The following DTL variants were observed in gnomAD, a reference collection of about 807,000 sequenced individuals.
DTL encodes the protein denticleless protein homolog.
A neutral mutation model predicts 87.0 loss-of-function variants in DTL; 46 were observed. That is an observed-to-expected ratio of 0.53 (90% CI 0.42 to 0.68). DTL has a LOEUF of 0.68. Among genes scored for constraint, DTL ranks in the 30% least tolerant of loss-of-function variants. The probability of loss-of-function intolerance (pLI) is 0.00; values close to 1 mark genes in which losing one functional copy is unlikely to be tolerated. For missense variants in DTL, 737 were observed against 869.4 expected, an observed-to-expected ratio of 0.85 and a Z score of 1.91; for synonymous variants, 308 against 311.2, an observed-to-expected ratio of 0.99 and a Z score of 0.11.
At chr1:212,044,803 T>C (rs892801700) in intron 3 of DTL, 45 bp downstream of exon 3, 3 of 1,106,382 alleles carry the variant, frequency 2.7e-6, no homozygotes, top group Non-Finnish European at 4.1e-6. Context: ...TAAAAAACTT[T>C]ACACATCCTC....
In DTL at chr1:212,080,702, A is replaced by G; in HGVS notation, c.1213A>G (p.Thr405Ala). 1 of 1,613,728 alleles carries G rather than the reference A, an allele frequency of 6.2e-7. No homozygotes were observed. The highest frequency in any genetic ancestry group is 8.5e-7 in the Non-Finnish European group (1 of 1,179,676). ...GAAACCAGGAGGTGATAAACTTTCC[A>G]CGGTGGGTTGGGCCTCTCAGAAGAA... The part of the protein sequence containing the change: ...EEKPGGDKLS[T>A]VGWASQKKKE... Residue 405 changes from threonine to alanine, a missense_variant, in exon 13 of 15, where the codon ACG (threonine) becomes GCG (alanine). Coordinates refer to ENST00000366991, the MANE Select transcript of DTL (RefSeq NM_016448.4).
chr1:212,040,624 G>A (rs1225684606), intron 1 of DTL, among the ~76,000 whole-genome samples: 4 of 152,186 alleles, frequency 2.6e-5, no homozygotes, highest in Non-Finnish European at 5.9e-5. Flanking sequence ...GATGAATGAC[G>A]TAGGCAGGCA....
Position 212,063,017 on chromosome 1 carries a change from T to C in DTL, c.526+68T>C, listed in dbSNP as rs149658253. On this transcript the variant is annotated intron_variant, in intron 6 of 14. Coordinates refer to ENST00000366991, the MANE Select transcript of DTL (RefSeq NM_016448.4). Reference sequence around the variant, plus strand: ...CTGTACTTAATTTTGAGTGAAAGAGTTAGTGATTTCATCTGATTACCACCA... The same window carrying C: ...CTGTACTTAATTTTGAGTGAAAGAGCTAGTGATTTCATCTGATTACCACCA... The C allele has an allele frequency of 1.2e-4, 143 of 1,237,328 alleles. 1 individual carries two copies. In the East Asian group the frequency reaches 3.3e-3, roughly 28 times the overall value. 76.6% of individuals were successfully genotyped at this position (1,237,328 alleles called of 1,614,324 possible). A position where few individuals can be genotyped will look rare whatever the true frequency, so the allele number is the denominator to read the frequency against.
chr1:212,082,587 T>C (rs906666390), intron 13 of DTL, among the ~76,000 whole-genome samples: 1 of 151,964 alleles, frequency 6.6e-6, no homozygotes, highest in Non-Finnish European at 1.5e-5. Context: ...CCCATAGTAA[T>C]TGGAGAAAAG....
rs779261579 is a variant in DTL, at chr1:212,035,911, C to T, written c.21C>T (p.Leu7=). 9.9e-6 allele frequency: 16 copies of T among 1,614,152 alleles called. No individual in the cohort carries two copies. The highest frequency in any genetic ancestry group is 4.5e-5 in the East Asian group (2 of 44,880). The part of the protein sequence containing the change: MLFNSV[L]RQPQLGVLRN... ...CCCTGATGCTCTTCAATTCGGTGCTCCGCCAGCCCCAGCTTGGCGTCCTGA... is the reference window on the plus strand; with the variant it reads ...CCCTGATGCTCTTCAATTCGGTGCTTCGCCAGCCCCAGCTTGGCGTCCTGA... The change falls in exon 1 of 15, where the codon CTC becomes CTT. Residue 7 remains leucine (L), a synonymous_variant. Coordinates refer to ENST00000366991, the MANE Select transcript of DTL (RefSeq NM_016448.4).
chr1:212,060,882 C>T (rs1654272814), intron 5 of DTL, among the ~76,000 whole-genome samples: 1 of 152,058 alleles, frequency 6.6e-6, no homozygotes, highest in Non-Finnish European at 1.5e-5. Flanking sequence ...CTCAAAAGCA[C>T]AGACAACAAG....
intron 3 of DTL, among the ~76,000 whole-genome samples, chr1:212,045,039 C>T (rs1667768368): frequency 1.3e-5 from 2 of 152,122 alleles, no homozygotes; most frequent in South Asian, 4.1e-4. Context: ...GGTGTACTAC[C>T]AAGCTCTTTT....
intron 13 of DTL, among the ~76,000 whole-genome samples, chr1:212,091,246 A>G (rs529251965): frequency 6.6e-6 from 1 of 152,348 alleles, no homozygotes; most frequent in East Asian, 1.9e-4. Context: ...TCAAAACCAC[A>G]ATGAGATATC....
chr1:212,089,585 T>A (rs1055223907), intron 13 of DTL, among the ~76,000 whole-genome samples: 8 of 152,236 alleles, frequency 5.3e-5, no homozygotes, highest in African/African-American at 1.9e-4. Flanking sequence ...TGAATTTTTT[T>A]ACCATTAACT....
At chr1:212,060,417 T>A (rs1384411847) in intron 5 of DTL, among the ~76,000 whole-genome samples, 1 of 152,098 alleles carries the variant, frequency 6.6e-6, no homozygotes, top group African/African-American at 2.4e-5. Flanking sequence ...AGAATGAAAC[T>A]GTACCTCTAT....
chr1:212,039,099 CTTCT>C (rs1380769600), intron 1 of DTL, among the ~76,000 whole-genome samples: 3 of 152,204 alleles, frequency 2.0e-5, no homozygotes, highest in Non-Finnish European at 4.4e-5. Flanking sequence ...CTGTCATACC[CTTCT>C]GTGTCAAAAA....
At chr1:212,092,400 C>T (rs1053818656) in intron 13 of DTL, among the ~76,000 whole-genome samples, 3 of 152,062 alleles carry the variant, frequency 2.0e-5, no homozygotes, top group Admixed American at 2.0e-4. Flanking sequence ...TGTGGTGGTG[C>T]ATGCCTGTAG....
chr1:212,077,472 G>A (rs1654863965), intron 11 of DTL: 1 of 152,210 alleles, frequency 6.6e-6, no homozygotes, highest in Admixed American at 6.6e-5. Context: ...AAAATTAACT[G>A]AAATATAGTT....
intron 13 of DTL, among the ~76,000 whole-genome samples, chr1:212,098,509 C>T (rs1308366445): frequency 6.6e-6 from 1 of 151,990 alleles, no homozygotes; most frequent in East Asian, 1.9e-4. Context: ...GCTACCAGGG[C>T]GGTTAGAGAA....
chr1:212,089,359 A>C (rs1413431368), intron 13 of DTL, among the ~76,000 whole-genome samples: 3 of 152,228 alleles, frequency 2.0e-5, no homozygotes, highest in African/African-American at 7.2e-5. Flanking sequence ...TTACATGAAG[A>C]GACGTAAAAA....
At chr1:212,045,392 A>G (rs1207915138) in intron 3 of DTL, among the ~76,000 whole-genome samples, 1 of 152,238 alleles carries the variant, frequency 6.6e-6, no homozygotes, top group African/African-American at 2.4e-5. Context: ...ATTAAAAACA[A>G]TTCTTCAAAA....
At chr1:212,045,695 T>C (rs2102528962) in intron 3 of DTL, among the ~76,000 whole-genome samples, 1 of 152,152 alleles carries the variant, frequency 6.6e-6, no homozygotes, top group East Asian at 1.9e-4. Flanking sequence ...CCAGTGGAAA[T>C]GGAAGGGGGC....
At chr1:212,076,946 T>C (rs1357031583) in intron 11 of DTL, among the ~76,000 whole-genome samples, 1 of 152,210 alleles carries the variant, frequency 6.6e-6, no homozygotes, top group Non-Finnish European at 1.5e-5. Context: ...CTTCTTTTGC[T>C]TTTTTAATTA....
At chr1:212,090,852 T>C (rs1292963652) in intron 13 of DTL, among the ~76,000 whole-genome samples, 2 of 152,228 alleles carry the variant, frequency 1.3e-5, no homozygotes, top group South Asian at 4.1e-4. Flanking sequence ...TTAACAGATA[T>C]AGAATCTGAG....
Sources: allele counts gnomAD v4.1 joint callset (sites outside exome capture counted in the v4.1 genomes callset), GRCh38; gene constraint gnomAD v4.1.1; transcripts MANE v1.5; gene names NCBI Gene and HGNC (gene_info 2026-07-23, HGNC 2026-07-21).